DIRAS2: variants seen among roughly 807,000 people sequenced by gnomAD.
DIRAS2 encodes GTP-binding protein Di-Ras2.
DIRAS2 carries 5 observed loss-of-function variants against 13.9 expected under a neutral mutation model. The observed-to-expected ratio is 0.36, with a 90% CI of 0.19 to 0.76. The LOEUF is 0.76. Among genes scored for constraint, DIRAS2 ranks in the 30% least tolerant of loss-of-function variants. DIRAS2 has a pLI of 0.53. For synonymous variants in DIRAS2, 111 were observed against 105.4 expected (o/e 1.05, Z -0.33); for missense variants, 191 against 263.0 (o/e 0.73, Z 1.89).
intron 1 of DIRAS2, among the ~76,000 whole-genome samples, chr9:90,622,573 T>C (rs772230731): frequency 6.6e-6 from 1 of 152,128 alleles, no homozygotes; most frequent in South Asian, 2.1e-4. Context: ...TTTCAGATGG[T>C]ATTAAAATTT....
intron 1 of DIRAS2, among the ~76,000 whole-genome samples, chr9:90,626,347 C>T (rs1333609069): frequency 6.6e-6 from 1 of 151,558 alleles, no homozygotes; most frequent in Non-Finnish European, 1.5e-5. Flanking sequence ...TGGCACATGC[C>T]TATAGTCCAA....
rs1825131272 is a variant in DIRAS2 at position 90,613,105 on chromosome 9, A to C, written c.*123T>G. 2 of 1,392,688 alleles carry C rather than the reference A, an allele frequency of 1.4e-6. No homozygotes were observed. The highest frequency in any genetic ancestry group is 1.4e-5 in the African/African-American group (1 of 69,462). The allele number at this position is 1,392,688 out of a possible 1,614,324, so 86.3% of individuals were successfully genotyped here. A position where few individuals can be genotyped will look rare whatever the true frequency, so the allele number is the denominator to read the frequency against. On this transcript the variant is annotated 3_prime_UTR_variant, in exon 2 of 2. Transcript: ENST00000375765. This position sits in a 1 kb window ranked among gnomAD's most constrained non-coding sequence, Gnocchi z 5.6. ...CGCCCTCTTAAGGACAATAGGACGC[A>C]TCTCGATTAAATGCAATGTTTAACA...
At chr9:90,629,146 G>A (rs1015444613) in intron 1 of DIRAS2, among the ~76,000 whole-genome samples, 2 of 152,176 alleles carry the variant, frequency 1.3e-5, no homozygotes, top group African/African-American at 4.8e-5. Context: ...GAGCCACCAC[G>A]CCTGGCCAAA....
chr9:90,636,027 CTTTTTTTTTTTTTT>C lies in DIRAS2; in HGVS notation c.-37+6711_-37+6724del, dbSNP rs1172661795. Among the ~76,000 whole-genome samples, 98 of 66,262 alleles carry C rather than the reference CTTTTTTTTTTTTTT, an allele frequency of 1.5e-3. 1 individual carries two copies. Among genetic ancestry groups the C allele is most frequent in the African/African-American group, 5.7e-3 (94 of 16,478 alleles). 43.5% of individuals were successfully genotyped at this position (66,262 alleles called of 152,430 possible). A position where few individuals can be genotyped will look rare whatever the true frequency, so the allele number is the denominator to read the frequency against. ...AGGATAGAGAATACAACTGAATATT[CTTTTTTTTTTTTTT>C]TTTTTTTTTTTTTTGAGACAGAGTC... On this transcript the variant is annotated intron_variant, in intron 1 of 1. Coordinates refer to ENST00000375765, the MANE Select transcript of DIRAS2 (RefSeq NM_017594.5).
Position 90,610,535 on chromosome 9 carries a change from G to C in DIRAS2, c.*2693C>G, listed in dbSNP as rs1366062140. 4 of 397,574 alleles carry C rather than the reference G, an allele frequency of 1.0e-5. No homozygotes were observed. Among genetic ancestry groups the C allele is most frequent in the Non-Finnish European group, 1.8e-5 (4 of 225,538 alleles). 24.6% of individuals were successfully genotyped at this position (397,574 alleles called of 1,614,324 possible). A position where few individuals can be genotyped will look rare whatever the true frequency, so the allele number is the denominator to read the frequency against. ...ATTTAATTAAATATTAACTTATTCT[G>C]CCTGGGTCAAAAACTGCTATGCCCA... On this transcript the variant is annotated 3_prime_UTR_variant, in exon 2 of 2. Coordinates refer to ENST00000375765, the MANE Select transcript of DIRAS2 (RefSeq NM_017594.5).
At chr9:90,640,693 T>C (rs1045076486) in intron 1 of DIRAS2, among the ~76,000 whole-genome samples, 3 of 152,168 alleles carry the variant, frequency 2.0e-5, no homozygotes, top group African/African-American at 7.2e-5. Flanking sequence ...TGAGTGAGAA[T>C]TGGGGATGGT....
At chr9:90,637,513 G>T (rs1825382038) in intron 1 of DIRAS2, among the ~76,000 whole-genome samples, 1 of 152,214 alleles carries the variant, frequency 6.6e-6, no homozygotes, top group Non-Finnish European at 1.5e-5. Flanking sequence ...CCTGTCCCAT[G>T]AAGGTGTATG....
At position 90,632,808 on chromosome 9, in the gene DIRAS2, C is replaced by T. The variant is rs116860118; in HGVS notation, c.-37+9944G>A. On this transcript the variant is annotated intron_variant, in intron 1 of 1. Transcript: ENST00000375765. Reference sequence around the variant, plus strand: ...AGGCCAGAACAACGTAAGCAAAGATCTCTGGCTTCACCTCTACTTTGCTGT... The same window carrying T: ...AGGCCAGAACAACGTAAGCAAAGATTTCTGGCTTCACCTCTACTTTGCTGT... Among the ~76,000 whole-genome samples, 967 of 152,352 alleles carry T rather than the reference C, an allele frequency of 6.3e-3. 9 individuals carry two copies. Among genetic ancestry groups the T allele is most frequent in the South Asian group, 0.027 (128 of 4,824 alleles).
intron 1 of DIRAS2, among the ~76,000 whole-genome samples, chr9:90,641,705 A>C (rs1466381): frequency 6.6e-6 from 1 of 151,996 alleles, no homozygotes; most frequent in African/African-American, 2.4e-5. Context: ...GAAATGGAGC[A>C]CATTGTGACT....
chr9:90,628,893 C>T (rs1425230980), intron 1 of DIRAS2, among the ~76,000 whole-genome samples: 3 of 148,918 alleles, frequency 2.0e-5, no homozygotes, highest in African/African-American at 7.4e-5. Context: ...CTCGTTCTGT[C>T]GCCCAGGCTG....
chr9:90,630,076 C>T (rs544160090), intron 1 of DIRAS2, among the ~76,000 whole-genome samples: 18 of 152,188 alleles, frequency 1.2e-4, no homozygotes, highest in East Asian at 9.6e-4. Context: ...TGTTCTTTTT[C>T]TCTCTCTCTC....
intron 1 of DIRAS2, among the ~76,000 whole-genome samples, chr9:90,636,905 T>G (rs1825376795): frequency 6.6e-6 from 1 of 152,196 alleles, no homozygotes; most frequent in African/African-American, 2.4e-5. Flanking sequence ...ACTAACCTAC[T>G]GTATACCATA....
intron 1 of DIRAS2, among the ~76,000 whole-genome samples, chr9:90,628,802 C>T (rs1825296233): frequency 6.6e-6 from 1 of 151,846 alleles, no homozygotes; most frequent in Non-Finnish European, 1.5e-5. Context: ...TTCCCTCGGC[C>T]TCCCAAAGTG....
intron 1 of DIRAS2, among the ~76,000 whole-genome samples, chr9:90,640,714 A>G (rs762128986): frequency 6.6e-6 from 1 of 152,186 alleles, no homozygotes; most frequent in Non-Finnish European, 1.5e-5. Context: ...TGTTATCTGA[A>G]TTGAAAGTTG....
Position 90,613,393 on chromosome 9 carries a change from A to G in DIRAS2, c.435T>C (p.Cys145=), listed in dbSNP as rs1564017890. ...EAEALARTWK[C]AFMETSAKLN... ...GCTTGGCTGAGGTCTCCATGAAGGCACACTTCCATGTGCGGGCCAAGGCCT... is the reference window on the plus strand; with the variant it reads ...GCTTGGCTGAGGTCTCCATGAAGGCGCACTTCCATGTGCGGGCCAAGGCCT... Residue 145 remains cysteine, a synonymous_variant, in exon 2 of 2, where the codon TGT becomes TGC. Transcript: ENST00000375765. This position sits in a 1 kb window ranked among gnomAD's most constrained non-coding sequence, Gnocchi z 5.6. 1 of 1,614,104 alleles carries G rather than the reference A, an allele frequency of 6.2e-7. No homozygotes were observed.
chr9:90,635,758 G>C (rs1341620431), intron 1 of DIRAS2, among the ~76,000 whole-genome samples: 2 of 152,222 alleles, frequency 1.3e-5, no homozygotes, highest in Non-Finnish European at 2.9e-5. Flanking sequence ...GTCTTTGCCG[G>C]TCTTAAGAGA....
chr9:90,613,944 A>G lies in DIRAS2; in HGVS notation c.-36-81T>C. 1 of 1,323,140 alleles carries G rather than the reference A, an allele frequency of 7.6e-7. No individual in the cohort carries two copies. The highest frequency in any genetic ancestry group is 1.0e-6 in the Non-Finnish European group (1 of 985,794). 82.0% of individuals were successfully genotyped at this position (1,323,140 alleles called of 1,614,324 possible). A position where few individuals can be genotyped will look rare whatever the true frequency, so the allele number is the denominator to read the frequency against. On this transcript the variant is annotated intron_variant, in intron 1 of 1. Transcript: ENST00000375765. This position sits in a 1 kb window ranked among gnomAD's most constrained non-coding sequence, Gnocchi z 5.6. ...ATAAGGATAGCTCTACCCTCTTTTG[A>G]TAGCTTAAAAATGGGAGGTGATAAC...
intron 1 of DIRAS2, among the ~76,000 whole-genome samples, chr9:90,640,431 A>T (rs1825408734): frequency 6.6e-6 from 1 of 152,256 alleles, no homozygotes; most frequent in South Asian, 2.1e-4. Context: ...ATTATTTGAC[A>T]CCAGTTAAAT....
rs544446756 is a variant in DIRAS2 at position 90,616,518 on chromosome 9, T to C, written c.-36-2655A>G. On this transcript the variant is annotated intron_variant, in intron 1 of 1. Coordinates refer to ENST00000375765, the MANE Select transcript of DIRAS2 (RefSeq NM_017594.5). ...TCACTAAGGAGGTGGCATGGAAGCA[T>C]GAATCTGAAAGATGAACAGGAGTCA... 6.0e-4 allele frequency among the ~76,000 whole-genome samples: 92 copies of C among 152,280 alleles called. 1 individual carries two copies. The highest frequency in any genetic ancestry group is 2.1e-3 in the African/African-American group (86 of 41,540).
Sources: allele counts gnomAD v4.1 joint callset (sites outside exome capture counted in the v4.1 genomes callset), GRCh38; gene constraint gnomAD v4.1.1; non-coding constraint Gnocchi (gnomAD v3.1); transcripts MANE v1.5; gene names NCBI Gene and HGNC (gene_info 2026-07-23, HGNC 2026-07-21).